DIP2C: variants seen among roughly 807,000 people sequenced by gnomAD.
DIP2C encodes the protein DIP2 acetate--CoA ligase C (putative), also known as disco-interacting protein 2 homolog C.
DIP2C carries 33 observed loss-of-function variants against 192.4 expected under a neutral mutation model. The ratio of observed to expected loss-of-function variants is 0.17; its 90% CI spans 0.13 to 0.23. The LOEUF (loss-of-function observed/expected upper bound fraction) is 0.23, where lower values mean the gene tolerates loss of function less well. Among genes scored for constraint, DIP2C ranks in the 10% least tolerant of loss-of-function variants. The pLI, the probability that DIP2C is intolerant of heterozygous loss-of-function variation, is 1.00. For synonymous variants in DIP2C, 979 were observed against 864.1 expected (o/e 1.13, Z -2.33); for missense variants, 1,537 against 2,110.1 (o/e 0.73, Z 5.32).
intron 1 of DIP2C, among the ~76,000 whole-genome samples, chr10:578,767 A>G (rs898640556): frequency 1.3e-5 from 2 of 151,824 alleles, no homozygotes; most frequent in Admixed American, 6.6e-5. Flanking sequence ...CACACATCCA[A>G]CTACATATAG....
chr10:348,461 G>A lies in DIP2C; in HGVS notation c.3231+180C>T, dbSNP rs376481027. The stretch of plus-strand genomic sequence containing the variant: ...CTGCCTCCACACACGTTTACATCTC[G>A]CTTCTAGACCTAGACTCTAGGCTCC... On this transcript the variant is annotated intron_variant, in intron 26 of 36. Coordinates refer to ENST00000280886, the MANE Select transcript of DIP2C (RefSeq NM_014974.3). Among the ~76,000 whole-genome samples the A allele has an allele frequency of 1.7e-4, 26 of 152,080 alleles. No homozygotes were observed. In the East Asian group the frequency reaches 2.7e-3, roughly 16 times the overall value.
intron 1 of DIP2C, among the ~76,000 whole-genome samples, chr10:556,957 T>C (rs1055733024): frequency 8.5e-5 from 13 of 152,174 alleles, no homozygotes; most frequent in Non-Finnish European, 4.4e-5. Flanking sequence ...AGCCAGATTC[T>C]GCCATTTTCC....
At position 311,863 on chromosome 10, in the gene DIP2C, C is replaced by T. The variant is rs1202250272; in HGVS notation, c.3925-1771G>A. On this transcript the variant is annotated intron_variant, in intron 31 of 36. Coordinates refer to ENST00000280886, the MANE Select transcript of DIP2C (RefSeq NM_014974.3). ...GGGTGTAGCAGGTGACTAACCACGGCGCAGGGACACAGAAGGTAAATGGTG... is the reference window on the plus strand; with the variant it reads ...GGGTGTAGCAGGTGACTAACCACGGTGCAGGGACACAGAAGGTAAATGGTG... 3.9e-5 allele frequency among the ~76,000 whole-genome samples: 6 copies of T among 152,122 alleles called. No individual in the cohort carries two copies. The East Asian group carries it at 9.6e-4, about 24-fold the overall frequency.
At chr10:442,577 G>A (rs964538829) in intron 3 of DIP2C, among the ~76,000 whole-genome samples, 2 of 152,170 alleles carry the variant, frequency 1.3e-5, no homozygotes, top group African/African-American at 4.8e-5. Flanking sequence ...AAATCTGCAA[G>A]ACCAGTGTAG....
At chr10:358,103 G>C (rs1158855934) in intron 22 of DIP2C, among the ~76,000 whole-genome samples, 166 bp from the exon 23 acceptor site, 1 of 152,172 alleles carries the variant, frequency 6.6e-6, no homozygotes, top group Non-Finnish European at 1.5e-5. Context: ...GATTGTGAAG[G>C]GGGAGTGTAA....
chr10:688,400 G>A (rs910037409), intron 1 of DIP2C, among the ~76,000 whole-genome samples: 6 of 152,192 alleles, frequency 3.9e-5, no homozygotes, highest in African/African-American at 1.2e-4. Flanking sequence ...TGCCCTGAAA[G>A]TGTTAAAAAG....
intron 1 of DIP2C, among the ~76,000 whole-genome samples, chr10:557,519 C>T (rs981325031): frequency 1.3e-5 from 2 of 151,148 alleles, no homozygotes; most frequent in South Asian, 2.1e-4. Context: ...TCTGTTCCCA[C>T]GACATCACGT....
chr10:531,318 C>T lies in DIP2C; in HGVS notation c.86-44788G>A, dbSNP rs542551136. 2.0e-3 allele frequency among the ~76,000 whole-genome samples: 303 copies of T among 152,210 alleles called. 1 individual carries two copies. The highest frequency in any genetic ancestry group is 0.01 in the Middle Eastern group (3 of 294). On this transcript the variant is annotated intron_variant, in intron 1 of 36. Transcript: ENST00000280886. ...CCACGAACCTGATGAACACACACAG[C>T]GAACAAACTCCCGTGTGTTTAAATG...
intron 1 of DIP2C, among the ~76,000 whole-genome samples, chr10:519,208 C>T (rs1173816960): frequency 6.6e-6 from 1 of 152,228 alleles, no homozygotes; most frequent in African/African-American, 2.4e-5. Flanking sequence ...GTCTGCACAG[C>T]CACTAGCTGC....
intron 36 of DIP2C, among the ~76,000 whole-genome samples, chr10:278,580 G>A (rs112068689): frequency 1.2e-4 from 19 of 152,364 alleles, no homozygotes; most frequent in African/African-American, 3.8e-4. Flanking sequence ...TGGGGACATT[G>A]TAACAACTCT....
chr10:373,976 G>C (rs117872399), intron 17 of DIP2C, among the ~76,000 whole-genome samples: 3,352 of 152,252 alleles, frequency 0.022, 47 homozygotes, highest in Non-Finnish European at 0.035. Context: ...CTCTCAAACT[G>C]TCTTTTCTCA....
intron 1 of DIP2C, among the ~76,000 whole-genome samples, chr10:605,126 G>GC (rs1288598824): frequency 6.6e-6 from 1 of 152,222 alleles, no homozygotes; most frequent in East Asian, 1.9e-4. Flanking sequence ...CTGCCGCGAT[G>GC]CCGTGAGCGC....
intron 3 of DIP2C, among the ~76,000 whole-genome samples, chr10:443,380 T>C (rs1233669537): frequency 6.6e-6 from 1 of 152,222 alleles, no homozygotes; most frequent in African/African-American, 2.4e-5. Context: ...TTCATAATTA[T>C]AATGGTTTGT....
chr10:616,279 T>C (rs533520614), intron 1 of DIP2C, among the ~76,000 whole-genome samples: 4 of 152,348 alleles, frequency 2.6e-5, no homozygotes, highest in African/African-American at 9.6e-5. Flanking sequence ...CAGTAATAGC[T>C]CCTATTTACG....
chr10:446,300 T>A (rs1968205831), intron 3 of DIP2C, among the ~76,000 whole-genome samples: 1 of 152,108 alleles, frequency 6.6e-6, no homozygotes, highest in Admixed American at 6.5e-5. Context: ...TATATACATC[T>A]GTTGCGAAGA....
rs117648577 is a variant in DIP2C at position 566,087 on chromosome 10, T to C, written c.86-79557A>G. On this transcript the variant is annotated intron_variant, in intron 1 of 36. Transcript: ENST00000280886. ...ACAAAAAAACCACGTATCTCAACAC[T>C]GGGACATGCTCTAAGAATAGAAACT... is the stretch of plus-strand genomic sequence containing the variant. 3.1e-3 allele frequency among the ~76,000 whole-genome samples: 476 copies of C among 152,346 alleles called. 2 individuals are homozygous for C. Among genetic ancestry groups the C allele is most frequent in the Non-Finnish European group, 5.2e-3 (355 of 68,024 alleles).
chr10:648,204 T>C (rs957541162), intron 1 of DIP2C, among the ~76,000 whole-genome samples: 2 of 147,678 alleles, frequency 1.4e-5, no homozygotes, highest in Admixed American at 1.4e-4. Context: ...ACGTCCACAT[T>C]GGACAGTGGG....
intron 1 of DIP2C, among the ~76,000 whole-genome samples, chr10:571,422 T>C (rs1849803006): frequency 6.6e-6 from 1 of 152,076 alleles, no homozygotes; most frequent in Non-Finnish European, 1.5e-5. Context: ...GGGGCTCATT[T>C]CCCAGGCTCC....
At chr10:532,754 T>TGTGAGAGAGAGTATGG (rs1268273491) in intron 1 of DIP2C, among the ~76,000 whole-genome samples, 49 of 129,798 alleles carry the variant, frequency 3.8e-4, no homozygotes, top group Non-Finnish European at 4.8e-4. Context: ...AGAGTATGGG[T>TGTGAGAGAGAGTATGG]GTGTGAGAGA....
Sources: allele counts gnomAD v4.1 joint callset (sites outside exome capture counted in the v4.1 genomes callset), GRCh38; gene constraint gnomAD v4.1.1; transcripts MANE v1.5; gene names NCBI Gene and HGNC (gene_info 2026-07-23, HGNC 2026-07-21).